Variants in CNBD2 observed in about 807,000 individuals in gnomAD.
CNBD2 encodes cyclic nucleotide binding domain containing 2.
In CNBD2, 64 loss-of-function variants were observed where a neutral mutation model predicts 63.7. The ratio of observed to expected loss-of-function variants is 1.00; its 90% CI spans 0.82 to 1.24. CNBD2 has a LOEUF of 1.24. CNBD2 is among the 50% of genes most tolerant of loss of function. The probability of loss-of-function intolerance (pLI) is 0.00; values close to 1 mark genes in which losing one functional copy is unlikely to be tolerated. For synonymous variants in CNBD2, 229 were observed against 255.4 expected (o/e 0.90, Z 0.99); for missense variants, 691 against 713.5 (o/e 0.97, Z 0.36).
Position 36,023,636 on chromosome 20 carries a change from G to A in CNBD2, c.1304G>A (p.Cys435Tyr). ...LHQAFLPEGE[C>Y]DTRPLILMSL... is the part of the protein sequence containing the mutation. ...CAGGCCTTCCTTCCAGAGGGTGAAT[G>A]CGACACACGACCCTTGATCCTGATG... The change falls in exon 11 of 12, where the codon TGC (cysteine) becomes TAC (tyrosine). Residue 435 changes from cysteine to tyrosine, a missense_variant. Physicochemically the swap from Cys to Tyr is radical, Grantham distance 194. Coordinates refer to ENST00000373973, the MANE Select transcript of CNBD2 (RefSeq NM_001365709.1). 6.2e-7 allele frequency: 1 copy of A among 1,611,430 alleles called. No homozygotes were observed. The highest frequency in any genetic ancestry group is 8.5e-7 in the Non-Finnish European group (1 of 1,178,886).
intron 7 of CNBD2, among the ~76,000 whole-genome samples, chr20:35,989,293 A>G (rs2056710257): frequency 6.6e-6 from 1 of 152,204 alleles, no homozygotes; most frequent in South Asian, 2.1e-4. Context: ...CACCACAGGC[A>G]TTTGTTGAGT....
At chr20:35,994,888 C>CA (rs972571114) in intron 7 of CNBD2, 150 bp from the exon 8 acceptor site, 90 of 549,652 alleles carry the variant, frequency 1.6e-4, no homozygotes, top group Non-Finnish European at 1.9e-4. Context: ...GACTCCATCT[C>CA]AAAAAAAAGA....
chr20:35,993,867 C>CTTTTTTT (rs58873487), intron 7 of CNBD2, among the ~76,000 whole-genome samples: 1 of 86,476 alleles, frequency 1.2e-5, no homozygotes, highest in Non-Finnish European at 2.2e-5. Context: ...TTCAGCTAAT[C>CTTTTTTT]TTTTTTTTTT....
upstream of CNBD2, among the ~76,000 whole-genome samples, chr20:35,966,161 G>A (rs1336502146): frequency 1.3e-5 from 2 of 152,306 alleles, no homozygotes; most frequent in East Asian, 3.9e-4. Flanking sequence ...TAGGTTTGCA[G>A]TGGGGGAGGC....
At chr20:35,975,903 G>T (rs767661599) in intron 2 of CNBD2, 46 bp from the exon 3 acceptor site, 5 of 1,560,366 alleles carry the variant, frequency 3.2e-6, no homozygotes, top group African/African-American at 2.7e-5. Flanking sequence ...AGTTCTAGGG[G>T]CAGTCTTGCT....
intron 1 of CNBD2, among the ~76,000 whole-genome samples, chr20:35,971,866 T>C (rs2147200051): frequency 6.6e-6 from 1 of 152,330 alleles, no homozygotes; most frequent in South Asian, 2.1e-4. Flanking sequence ...ACTAGGTTCA[T>C]TGATTTATAG....
At chr20:35,967,678 G>T (rs1192792319), upstream of CNBD2, among the ~76,000 whole-genome samples, 1 of 151,802 alleles carries the variant, frequency 6.6e-6, no homozygotes, top group Non-Finnish European at 1.5e-5. Flanking sequence ...CGTGGTGAAA[G>T]CCTGTCTTTA....
chr20:36,014,539 C>T (rs2057109282), intron 10 of CNBD2, among the ~76,000 whole-genome samples: 1 of 152,044 alleles, frequency 6.6e-6, no homozygotes, highest in Admixed American at 6.5e-5. Flanking sequence ...CCATGTTGGC[C>T]AGGCTGGTCT....
chr20:35,968,621 TAGG>T lies in CNBD2; in HGVS notation c.-136_-134del. ...GGGCTTCCAGTAGCTGATGGTATGG[TAGG>T]AGGAGTGGAGTGGAGCTCTTGCCTT... On this transcript the variant is annotated 5_prime_UTR_variant, in exon 1 of 12. Coordinates refer to ENST00000373973, the MANE Select transcript of CNBD2 (RefSeq NM_001365709.1). The T allele has an allele frequency of 1.7e-6, 1 of 595,164 alleles. No individual in the cohort carries two copies. Among genetic ancestry groups the T allele is most frequent in the Non-Finnish European group, 3.1e-6 (1 of 326,858 alleles). 36.9% of individuals were successfully genotyped at this position (595,164 alleles called of 1,614,324 possible).
intron 1 of CNBD2, among the ~76,000 whole-genome samples, chr20:35,970,661 G>A (rs566195236): frequency 1.3e-5 from 2 of 152,278 alleles, no homozygotes; most frequent in African/African-American, 4.8e-5. Context: ...GCCTCCCAAA[G>A]TGCTAGGATT....
chr20:35,988,209 C>G (rs2056695283), intron 7 of CNBD2, among the ~76,000 whole-genome samples: 1 of 151,658 alleles, frequency 6.6e-6, no homozygotes, highest in Non-Finnish European at 1.5e-5. Flanking sequence ...CTCTGTGCCC[C>G]AAACTGGAGT....
intron 10 of CNBD2, among the ~76,000 whole-genome samples, 166 bp from the exon 11 acceptor site, chr20:36,023,436 T>C (rs1292534781): frequency 6.6e-6 from 1 of 151,852 alleles, no homozygotes; most frequent in African/African-American, 2.4e-5. Flanking sequence ...CGTTTGAACC[T>C]GGGAGGCAGA....
intron 8 of CNBD2, among the ~76,000 whole-genome samples, chr20:36,001,091 A>AT (rs2056892510): frequency 1.3e-5 from 2 of 151,294 alleles, no homozygotes; most frequent in African/African-American, 4.9e-5. Context: ...CAGGATAAGA[A>AT]TTTTTCTTAG....
intron 2 of CNBD2, 145 bp downstream of exon 2, chr20:35,972,911 A>T: frequency 1.4e-6 from 1 of 722,258 alleles, no homozygotes. Context: ...ATTAATGGCC[A>T]TACTTCTGTT....
intron 11 of CNBD2, among the ~76,000 whole-genome samples, chr20:36,024,655 G>A (rs778030960): frequency 6.6e-6 from 1 of 150,566 alleles, no homozygotes; most frequent in Non-Finnish European, 1.5e-5. Context: ...TAGGCTGGAC[G>A]TGGTGGCTCA....
intron 3 of CNBD2, among the ~76,000 whole-genome samples, chr20:35,980,198 G>A (rs1019062473): frequency 1.1e-4 from 17 of 152,256 alleles, no homozygotes; most frequent in African/African-American, 2.2e-4. Flanking sequence ...GGATGTCAGC[G>A]TTGATATGTG....
At chr20:36,018,687 T>A (rs1016659988) in intron 10 of CNBD2, among the ~76,000 whole-genome samples, 1 of 152,154 alleles carries the variant, frequency 6.6e-6, no homozygotes, top group African/African-American at 2.4e-5. Context: ...GACCCAGGTT[T>A]TGAGCCAGGA....
At chr20:35,958,592 A>G (rs1165237709), downstream of CNBD2, among the ~76,000 whole-genome samples, 1 of 152,208 alleles carries the variant, frequency 6.6e-6, no homozygotes, top group Admixed American at 6.5e-5. Flanking sequence ...TGACATTGGT[A>G]CAATCCACAG....
At chr20:35,958,603 A>G (rs1456525302), downstream of CNBD2, among the ~76,000 whole-genome samples, 1 of 152,118 alleles carries the variant, frequency 6.6e-6, no homozygotes, top group African/African-American at 2.4e-5. Context: ...CAATCCACAG[A>G]CTTTATTCAC....
Sources: gnomAD v4.1 joint callset for allele counts (sites outside exome capture counted in the v4.1 genomes callset) on GRCh38, gnomAD v4.1.1 for gene constraint, MANE v1.5 for transcripts, NCBI Gene and HGNC (gene_info 2026-07-23, HGNC 2026-07-21) for gene names.